FBXL12: variants seen among roughly 807,000 people sequenced by gnomAD.
FBXL12 encodes the protein F-box/LRR-repeat protein 12.
FBXL12 carries 22 observed loss-of-function variants against 24.9 expected under a neutral mutation model. The observed-to-expected ratio is 0.88, with a 90% confidence interval of 0.63 to 1.26. The LOEUF (loss-of-function observed/expected upper bound fraction) is 1.26. Ranked by LOEUF, FBXL12 falls within the 50% of genes most tolerant of loss-of-function variation. The pLI is 0.00. For missense variants in FBXL12, 384 were observed against 434.1 expected (o/e 0.88, Z 1.03); for synonymous variants, 193 against 193.8 (o/e 1.00, Z 0.03).
Position 9,811,568 on chromosome 19 carries a change from G to A in FBXL12, c.309C>T (p.Asn103=), listed in dbSNP as rs1162714194. The A allele has an allele frequency of 6.3e-7, 1 of 1,596,970 alleles. No individual in the cohort carries two copies. The highest frequency in any genetic ancestry group is 2.2e-5 in the East Asian group (1 of 44,664). Residue 103 remains asparagine, a synonymous_variant, in exon 3 of 3, where the codon AAC becomes AAT. Coordinates refer to ENST00000247977, the MANE Select transcript of FBXL12 (RefSeq NM_017703.3). The surrounding 1 kb of genome is among the most constrained non-coding windows in gnomAD (Gnocchi z 6.0). ...LLRALGQKCP[N]LKRLCLHVAD... ...CCACGTGCAGGCAGAGGCGCTTCAG[G>A]TTGGGGCACTTCTGGCCCAGGGCTC...
chr19:9,816,620 AT>A (rs2045891078), intron 2 of FBXL12, among the ~76,000 whole-genome samples: 1 of 152,180 alleles, frequency 6.6e-6, no homozygotes, highest in Non-Finnish European at 1.5e-5. Flanking sequence ...CACTATCAGC[AT>A]TTTGGGCAAA....
At position 9,810,649 on chromosome 19, in the gene FBXL12, A is replaced by G; in HGVS notation, c.*247T>C. 2.4e-6 allele frequency: 1 copy of G among 412,204 alleles called. No homozygotes were observed. Among genetic ancestry groups the G allele is most frequent in the Non-Finnish European group, 4.4e-6 (1 of 229,062 alleles). The allele number at this position is 412,204 out of a possible 1,614,324, so 25.5% of individuals were successfully genotyped here. On this transcript the variant is annotated 3_prime_UTR_variant, in exon 3 of 3. Coordinates refer to ENST00000247977, the MANE Select transcript of FBXL12 (RefSeq NM_017703.3). ...AGTAAGGCTTTGCAATGTAACCGTG[A>G]GGTAGCTATGATCATCCTTATTTCC...
Position 9,818,576 on chromosome 19 carries a change from A to G in FBXL12, c.128T>C (p.Leu43Pro), listed in dbSNP as rs746032228. The change falls in exon 2 of 3, where the codon CTG (leucine) becomes CCG (proline). Residue 43 changes from leucine (L) to proline (P), a missense_variant. Leu to Pro is a moderately conservative substitution (Grantham distance 98). Coordinates refer to ENST00000247977, the MANE Select transcript of FBXL12 (RefSeq NM_017703.3). Reference sequence around the variant, plus strand: ...GAGCGTCAGGTCGACATGTCGCCACAGCCACCGGTCGTCCACCAGCCTCTT... The same window carrying G: ...GAGCGTCAGGTCGACATGTCGCCACGGCCACCGGTCGTCCACCAGCCTCTT... ...RWKRLVDDRWLWRHVDLTLYT... is the reference protein window; with the variant it reads ...RWKRLVDDRWPWRHVDLTLYT... 1.2e-5 allele frequency: 19 copies of G among 1,553,786 alleles called. No individual in the cohort carries two copies. The highest frequency in any genetic ancestry group is 1.2e-4 in the South Asian group (10 of 85,012).
In FBXL12 at chr19:9,811,333, C is replaced by T. The variant is rs776318143; in HGVS notation, c.544G>A (p.Val182Met). Reference sequence around the variant, plus strand: ...GTCACACGGTAGGTACCACCCAGCACCAGCGAGCGCAAGGCCCGGAAGCGC... The same window carrying T: ...GTCACACGGTAGGTACCACCCAGCATCAGCGAGCGCAAGGCCCGGAAGCGC... ...LTRFRALRSL[V>M]LGGTYRVTET... The change falls in exon 3 of 3, where the codon GTG (valine) becomes ATG (methionine). Residue 182 changes from valine (V) to methionine (M), a missense_variant. By Grantham distance (21) the Val-to-Met change is conservative. Transcript: ENST00000247977. The surrounding 1 kb of genome is among the most constrained non-coding windows in gnomAD (Gnocchi z 6.0). 6.2e-7 allele frequency: 1 copy of T among 1,609,680 alleles called. No individual in the cohort carries two copies. The highest frequency in any genetic ancestry group is 8.5e-7 in the Non-Finnish European group (1 of 1,179,952).
intron 2 of FBXL12, among the ~76,000 whole-genome samples, chr19:9,816,379 C>T (rs1256101049): frequency 6.6e-6 from 1 of 152,148 alleles, no homozygotes; most frequent in East Asian, 1.9e-4. Flanking sequence ...AAACTGAATA[C>T]CTTTAACAGT....
At chr19:9,814,371 G>T (rs762494527) in intron 2 of FBXL12, 1 of 152,190 alleles carries the variant, frequency 6.6e-6, no homozygotes, top group Non-Finnish European at 1.5e-5. Context: ...TTAGCCGAGT[G>T]TGGTGGTGCA....
At chr19:9,815,022 C>A (rs995889692) in intron 2 of FBXL12, among the ~76,000 whole-genome samples, 1 of 152,160 alleles carries the variant, frequency 6.6e-6, no homozygotes, top group African/African-American at 2.4e-5. Context: ...TCAGCATTAA[C>A]CCAAAAGTCC....
chr19:9,812,337 C>T (rs532982105), intron 2 of FBXL12, among the ~76,000 whole-genome samples: 45 of 151,804 alleles, frequency 3.0e-4, no homozygotes, highest in African/African-American at 1.0e-3. Flanking sequence ...TTAATACCAG[C>T]CTGGCCAACA....
rs773211868 is a variant in FBXL12, at chr19:9,811,504, T to C, written c.373A>G (p.Thr125Ala). 1 of 1,613,696 alleles carries C rather than the reference T, an allele frequency of 6.2e-7. No homozygotes were observed. The highest frequency in any genetic ancestry group is 8.5e-7 in the Non-Finnish European group (1 of 1,179,890). ...CTGTGCAGCTCCAGGGTCCTCAAGG[T>C]GCTGGGCAGGCTGGTGATGGGCACC... Reference protein sequence around the residue: ...SMVPITSLPSTLRTLELHSCE... With the variant: ...SMVPITSLPSALRTLELHSCE... Residue 125 changes from threonine (T) to alanine (A), a missense_variant, in exon 3 of 3, where the codon ACC (threonine) becomes GCC (alanine). Thr to Ala is a moderately conservative substitution (Grantham distance 58). Transcript: ENST00000247977. This position sits in a 1 kb window ranked among gnomAD's most constrained non-coding sequence, Gnocchi z 6.0.
chr19:9,817,122 G>A (rs2145380393), intron 2 of FBXL12, among the ~76,000 whole-genome samples: 1 of 152,190 alleles, frequency 6.6e-6, no homozygotes, highest in Non-Finnish European at 1.5e-5. Flanking sequence ...TTGAGATTTG[G>A]GTGGGGACAC....
chr19:9,812,981 G>A (rs1312520045), intron 2 of FBXL12, among the ~76,000 whole-genome samples: 1 of 152,034 alleles, frequency 6.6e-6, no homozygotes, highest in African/African-American at 2.4e-5. Context: ...GCTGAGGCAG[G>A]AGAATCACTT....
In FBXL12 at chr19:9,818,572, C is replaced by T; in HGVS notation, c.132G>A (p.Trp44Ter). 6.4e-7 allele frequency: 1 copy of T among 1,552,624 alleles called. No homozygotes were observed. Among genetic ancestry groups the T allele is most frequent in the Non-Finnish European group, 8.7e-7 (1 of 1,150,808 alleles). Reference protein sequence around the residue: ...WKRLVDDRWLWRHVDLTLYTM... With the variant: ...WKRLVDDRWL ...TGTAGAGCGTCAGGTCGACATGTCGCCACAGCCACCGGTCGTCCACCAGCC... is the reference window on the plus strand; with the variant it reads ...TGTAGAGCGTCAGGTCGACATGTCGTCACAGCCACCGGTCGTCCACCAGCC... Residue 44 changes from tryptophan (W) to a stop codon, truncating the protein, a stop_gained, in exon 2 of 3, where the codon TGG becomes TGA. Coordinates refer to ENST00000247977, the MANE Select transcript of FBXL12 (RefSeq NM_017703.3). LOFTEE classifies it high-confidence loss of function.
In FBXL12 at chr19:9,811,658, G is replaced by A; in HGVS notation, c.219C>T (p.Ser73=). The part of the protein sequence containing the change: ...LRRYMASRLH[S]LRMGGYLFSG... The stretch of plus-strand genomic sequence containing the variant: ...AGAACAGGTAGCCACCCATCCGCAG[G>A]GAATGGAGCCGGGATGCCATGTACC... Residue 73 remains serine, a synonymous_variant, in exon 3 of 3, where the codon TCC becomes TCT. Coordinates refer to ENST00000247977, the MANE Select transcript of FBXL12 (RefSeq NM_017703.3). The surrounding 1 kb of genome is among the most constrained non-coding windows in gnomAD (Gnocchi z 6.0). 6.6e-7 allele frequency: 1 copy of A among 1,519,912 alleles called. No homozygotes were observed. Among genetic ancestry groups the A allele is most frequent in the Non-Finnish European group, 8.8e-7 (1 of 1,134,286 alleles). The allele number at this position is 1,519,912 out of a possible 1,614,324, so 94.2% of individuals were successfully genotyped here. A position where few individuals can be genotyped will look rare whatever the true frequency, so the allele number is the denominator to read the frequency against.
At position 9,819,013 on chromosome 19, in the gene FBXL12, C is replaced by T. The variant is rs747308993; in HGVS notation, c.-200G>A. On this transcript the variant is annotated 5_prime_UTR_variant, in exon 1 of 3. Transcript: ENST00000247977. The stretch of plus-strand genomic sequence containing the variant: ...CCAGAAACCAGCCTGGAAAGCGTGG[C>T]TGAGGCAGTGAGAGGCTTGCGGGAG... The T allele has an allele frequency of 3.3e-5, 20 of 604,990 alleles. No individual in the cohort carries two copies. The highest frequency in any genetic ancestry group is 5.6e-5 in the Non-Finnish European group (19 of 340,174). 37.5% of individuals were successfully genotyped at this position (604,990 alleles called of 1,614,324 possible).
chr19:9,818,821 C>A lies in FBXL12; in HGVS notation c.-8G>T. 1 of 1,548,474 alleles carries A rather than the reference C, an allele frequency of 6.5e-7. No individual in the cohort carries two copies. The highest frequency in any genetic ancestry group is 2.0e-5 in the Admixed American group (1 of 50,978). ...TTCGACCAAAGTCGCCATGATCCCG[C>A]CGACACGCACTTCCGCTTCCGGTTA... On this transcript the variant is annotated 5_prime_UTR_variant, in exon 1 of 3. Coordinates refer to ENST00000247977, the MANE Select transcript of FBXL12 (RefSeq NM_017703.3).
At chr19:9,817,602 T>C (rs2045910796) in intron 2 of FBXL12, among the ~76,000 whole-genome samples, 1 of 152,094 alleles carries the variant, frequency 6.6e-6, no homozygotes, top group South Asian at 2.1e-4. Context: ...TTTGGGAGAC[T>C]GAGGTTGGGG....
chr19:9,814,527 T>A (rs1436265692), intron 2 of FBXL12: 3 of 145,726 alleles, frequency 2.1e-5, no homozygotes, highest in South Asian at 2.2e-4. Context: ...ATAAATAAAT[T>A]AATTTAAAAA....
chr19:9,818,705 T>TC (rs1366514152), intron 1 of FBXL12, 23 bp downstream of exon 1: 4 of 1,541,894 alleles, frequency 2.6e-6, no homozygotes, highest in African/African-American at 1.4e-5. Flanking sequence ...GCCCTGCCCT[T>TC]CCCCCCGGAG....
At chr19:9,814,693 C>G (rs1265671253) in intron 2 of FBXL12, 1 of 111,562 alleles carries the variant, frequency 9.0e-6, no homozygotes, top group Non-Finnish European at 1.8e-5. Context: ...AAGACTCCAT[C>G]TCAAAAAAAA....
Sources: allele counts gnomAD v4.1 joint callset (sites outside exome capture counted in the v4.1 genomes callset), GRCh38; gene constraint gnomAD v4.1.1; non-coding constraint Gnocchi (gnomAD v3.1); transcripts MANE v1.5; gene names NCBI Gene and HGNC (gene_info 2026-07-23, HGNC 2026-07-21).